SLC41A2: variants seen among roughly 807,000 people sequenced by gnomAD.
The protein encoded by SLC41A2 is SLC41A1-like 1.
In SLC41A2, 32 loss-of-function variants were observed where a neutral mutation model predicts 58.3. The observed-to-expected ratio is 0.55, with a 90% CI of 0.41 to 0.74. The LOEUF is 0.74. Among genes scored for constraint, SLC41A2 ranks in the 30% least tolerant of loss-of-function variants. SLC41A2 has a pLI of 0.00. For missense variants in SLC41A2, 514 were observed against 680.6 expected (o/e 0.76, Z 2.72); for synonymous variants, 190 against 235.0 (o/e 0.81, Z 1.75).
intron 5 of SLC41A2, among the ~76,000 whole-genome samples, chr12:104,888,641 G>A (rs925730438): frequency 1.4e-4 from 22 of 152,072 alleles, no homozygotes; most frequent in African/African-American, 1.9e-4. Context: ...AATTTCAACA[G>A]AGGATGACTT....
At chr12:104,828,813 G>T (rs562961952) in intron 10 of SLC41A2, among the ~76,000 whole-genome samples, 2 of 151,202 alleles carry the variant, frequency 1.3e-5, no homozygotes, top group South Asian at 4.2e-4. Flanking sequence ...AATATACAAA[G>T]AACTCTTATA....
At chr12:104,817,843 C>T (rs1230337227) in intron 10 of SLC41A2, among the ~76,000 whole-genome samples, 4 of 151,336 alleles carry the variant, frequency 2.6e-5, no homozygotes, top group Admixed American at 6.6e-5. Flanking sequence ...GGTACAGCCA[C>T]GACATCACTA....
intron 3 of SLC41A2, among the ~76,000 whole-genome samples, chr12:104,907,047 A>G (rs570892575): frequency 7.6e-6 from 1 of 131,384 alleles, no homozygotes; most frequent in East Asian, 2.0e-4. Flanking sequence ...CCATCACAGC[A>G]GAGACCTTGC....
intron 3 of SLC41A2, among the ~76,000 whole-genome samples, chr12:104,899,574 A>G (rs1182438289): frequency 6.6e-6 from 1 of 152,070 alleles, no homozygotes; most frequent in African/African-American, 2.4e-5. Context: ...TAGCCCTTTG[A>G]AGGTCTCTTC....
chr12:104,938,976 C>T (rs552944898), intron 1 of SLC41A2, among the ~76,000 whole-genome samples: 3 of 152,222 alleles, frequency 2.0e-5, no homozygotes, highest in African/African-American at 7.2e-5. Context: ...TAAAAACAAT[C>T]TTTTCCTAAA....
chr12:104,928,482 C>T lies in SLC41A2; in HGVS notation c.46G>A (p.Gly16Ser). The change falls in exon 2 of 11, where the codon GGT (glycine) becomes AGT (serine). Residue 16 changes from glycine (G) to serine (S), a missense_variant. By Grantham distance (56) the Gly-to-Ser change is moderately conservative. Around this residue, in one of 3 missense-constraint regions of SLC41A2, gnomAD observed 336 missense variants for 430.0 expected, o/e 0.78. Coordinates refer to ENST00000258538, the MANE Select transcript of SLC41A2 (RefSeq NM_001352171.3). ...ACAAAACCTCCTCCACTACTTGGAC[C>T]ACCACTTGTTTTATCGGTAATAGAT... ...GRSITDKTSG[G>S]PSSGGGFVDW... The T allele has an allele frequency of 6.5e-7, 1 of 1,540,242 alleles. No homozygotes were observed. The highest frequency in any genetic ancestry group is 8.8e-7 in the Non-Finnish European group (1 of 1,142,346).
At chr12:104,931,028 A>C (rs371715465) in intron 1 of SLC41A2, among the ~76,000 whole-genome samples, 31 of 152,338 alleles carry the variant, frequency 2.0e-4, no homozygotes, top group African/African-American at 7.2e-4. Context: ...AGACCATCCA[A>C]ATGTGTACAA....
intron 4 of SLC41A2, among the ~76,000 whole-genome samples, chr12:104,889,414 T>C (rs1243643223): frequency 1.3e-5 from 2 of 152,154 alleles, no homozygotes; most frequent in Non-Finnish European, 2.9e-5. Flanking sequence ...GAATCTGTTT[T>C]TAACAAGCAC....
chr12:104,860,696 C>T (rs1357461538), intron 8 of SLC41A2, among the ~76,000 whole-genome samples: 1 of 151,966 alleles, frequency 6.6e-6, no homozygotes, highest in Non-Finnish European at 1.5e-5. Context: ...GCCTCAGCCT[C>T]CTGAGGACAT....
intron 4 of SLC41A2, among the ~76,000 whole-genome samples, chr12:104,893,911 A>G (rs1288700039): frequency 1.3e-5 from 2 of 152,172 alleles, no homozygotes; most frequent in Non-Finnish European, 2.9e-5. Flanking sequence ...GTACAAAAAA[A>G]TAGAATGAAT....
intron 10 of SLC41A2, among the ~76,000 whole-genome samples, chr12:104,829,762 C>G (rs191320872): frequency 2.4e-4 from 36 of 151,976 alleles, no homozygotes; most frequent in Non-Finnish European, 4.4e-4. Context: ...GCAAATCTAG[C>G]CCTATATGGC....
rs2043205923 is a variant in SLC41A2 at position 104,861,362 on chromosome 12, C to A, written c.1184G>T (p.Gly395Val). 6.2e-7 allele frequency: 1 copy of A among 1,611,034 alleles called. No homozygotes were observed. Among genetic ancestry groups the A allele is most frequent in the Non-Finnish European group, 8.5e-7 (1 of 1,177,824 alleles). The change falls in exon 8 of 11, where the codon GGC becomes GTC. Residue 395 changes from glycine (G) to valine (V), a missense_variant. This residue lies in a region of SLC41A2 where 50 missense variants were observed against 104.5 expected (regional missense o/e 0.48). Coordinates refer to ENST00000258538, the MANE Select transcript of SLC41A2 (RefSeq NM_001352171.3). Reference sequence around the variant, plus strand: ...TGATACAGTTGTGTCCAGAATAAGGCCCCCAATGCTGAAAGAGATAAAATT... The same window carrying A: ...TGATACAGTTGTGTCCAGAATAAGGACCCCAATGCTGAAAGAGATAAAATT... ...ITAMVISSIG[G>V]LILDTTVSDP...
At chr12:104,921,585 C>T (rs1176181689) in intron 2 of SLC41A2, among the ~76,000 whole-genome samples, 2 of 151,592 alleles carry the variant, frequency 1.3e-5, no homozygotes, top group African/African-American at 2.4e-5. Flanking sequence ...AATTCAGCAC[C>T]TCTAGTTTTG....
At chr12:104,940,383 A>C (rs985767420) in intron 1 of SLC41A2, among the ~76,000 whole-genome samples, 17 of 151,444 alleles carry the variant, frequency 1.1e-4, no homozygotes, top group African/African-American at 3.9e-4. Flanking sequence ...GCATTAGGAG[A>C]TATACCTACT....
chr12:104,836,091 G>A (rs1275836870), intron 10 of SLC41A2, among the ~76,000 whole-genome samples: 1 of 152,246 alleles, frequency 6.6e-6, no homozygotes, highest in East Asian at 1.9e-4. Context: ...TGATCCATCC[G>A]CCTTGGCCTC....
chr12:104,910,318 A>G (rs1047892847), intron 2 of SLC41A2, among the ~76,000 whole-genome samples: 23 of 152,172 alleles, frequency 1.5e-4, no homozygotes, highest in African/African-American at 5.3e-4. Flanking sequence ...GGTGTGAGGC[A>G]GAGAGGTTCA....
chr12:104,886,450 G>C lies in SLC41A2; in HGVS notation c.881-11C>G. ...CAACCATTATTATTCCTAGAAGAAAGAATGTTCATTACTTTTTAGGCTATG... is the reference window on the plus strand; with the variant it reads ...CAACCATTATTATTCCTAGAAGAAACAATGTTCATTACTTTTTAGGCTATG... On this transcript the variant is annotated splice_polypyrimidine_tract_variant and intron_variant, in intron 5 of 10. Transcript: ENST00000258538. 1.2e-6 allele frequency: 2 copies of C among 1,610,464 alleles called. No individual in the cohort carries two copies. Among genetic ancestry groups the C allele is most frequent in the East Asian group, 2.2e-5 (1 of 44,806 alleles).
chr12:104,853,913 T>TAATA (rs1555202444), intron 8 of SLC41A2, among the ~76,000 whole-genome samples: 1 of 38,434 alleles, frequency 2.6e-5, no homozygotes, highest in African/African-American at 6.4e-5. Flanking sequence ...CCTGGCTGAT[T>TAATA]TTTTTTTTTT....
intron 10 of SLC41A2, among the ~76,000 whole-genome samples, chr12:104,827,518 G>T (rs1199782343): frequency 6.6e-6 from 1 of 152,204 alleles, no homozygotes; most frequent in African/African-American, 2.4e-5. Context: ...TTTCACCAGG[G>T]TGATACAATT....
Sources: gnomAD v4.1 joint callset for allele counts (sites outside exome capture counted in the v4.1 genomes callset) on GRCh38, gnomAD v4.1.1 for gene constraint, gnomAD v4.1.1 regional missense constraint, MANE v1.5 for transcripts, NCBI Gene and HGNC (gene_info 2026-07-23, HGNC 2026-07-21) for gene names.